CENPP: variants seen among roughly 807,000 people sequenced by gnomAD.
CENPP encodes centromere protein P.
CENPP carries 24 observed loss-of-function variants against 35.6 expected under a neutral mutation model. That is an observed-to-expected ratio of 0.67 (90% CI 0.49 to 0.95). The LOEUF (loss-of-function observed/expected upper bound fraction) is 0.95, where lower values mean the gene tolerates loss of function less well. Ranked by LOEUF, CENPP falls within the 40% of genes least tolerant of loss-of-function variation. CENPP has a pLI of 0.00. For synonymous variants in CENPP, 120 were observed against 125.5 expected, an observed-to-expected ratio of 0.96 and a Z score of 0.29; for missense variants, 332 against 345.3, an observed-to-expected ratio of 0.96 and a Z score of 0.31.
chr9:92,531,221 C>A (rs1351402021), intron 5 of CENPP, among the ~76,000 whole-genome samples: 1 of 151,874 alleles, frequency 6.6e-6, no homozygotes, highest in Admixed American at 6.6e-5. Context: ...TTCTTTTTAA[C>A]TTGTTGCTTG....
In CENPP at chr9:92,551,962, ATGTG is replaced by A. The variant is rs377567724; in HGVS notation, c.565-59349_565-59346del. Among the ~76,000 whole-genome samples the A allele has an allele frequency of 8.3e-3, 940 of 112,852 alleles. 67 individuals are homozygous for A. The highest frequency in any genetic ancestry group is 0.041 in the African/African-American group (842 of 20,418). 74.0% of individuals were successfully genotyped at this position (112,852 alleles called of 152,430 possible). The stretch of plus-strand genomic sequence containing the variant: ...ATATATATATATATATGATATATAT[ATGTG>A]TGATATATATGTGTGTGTATATATG... On this transcript the variant is annotated intron_variant, in intron 5 of 7. Coordinates refer to ENST00000375587, the MANE Select transcript of CENPP (RefSeq NM_001012267.3).
intron 4 of CENPP, among the ~76,000 whole-genome samples, chr9:92,361,380 A>G (rs1330870944): frequency 6.6e-6 from 1 of 151,642 alleles, no homozygotes; most frequent in African/African-American, 2.4e-5. Context: ...ACCTCAAGTG[A>G]TCCATGCACC....
intron 5 of CENPP, among the ~76,000 whole-genome samples, chr9:92,415,735 AT>A (rs1196656077): frequency 1.3e-5 from 2 of 149,306 alleles, no homozygotes; most frequent in South Asian, 4.2e-4. Flanking sequence ...TCAAAAAAAA[AT>A]TATCTACAAT....
chr9:92,353,838 A>G (rs1384587491), intron 4 of CENPP, among the ~76,000 whole-genome samples: 1 of 152,186 alleles, frequency 6.6e-6, no homozygotes, highest in Non-Finnish European at 1.5e-5. Context: ...TCCTGGACCC[A>G]TGAATCTTGG....
At chr9:92,367,035 C>T (rs1207675136) in intron 4 of CENPP, among the ~76,000 whole-genome samples, 2 of 152,204 alleles carry the variant, frequency 1.3e-5, no homozygotes, top group East Asian at 3.8e-4. Context: ...CTCCCTTCAG[C>T]TGCGGTAGCA....
chr9:92,339,084 A>G (rs1406728456), intron 3 of CENPP, among the ~76,000 whole-genome samples: 1 of 152,208 alleles, frequency 6.6e-6, no homozygotes, highest in Non-Finnish European at 1.5e-5. Flanking sequence ...TTGGGCCAAC[A>G]GGGAATGTGT....
At chr9:92,588,705 C>T (rs1169169943) in intron 5 of CENPP, among the ~76,000 whole-genome samples, 5 of 152,150 alleles carry the variant, frequency 3.3e-5, no homozygotes, top group African/African-American at 1.2e-4. Context: ...AAGAGAATCA[C>T]TTCACACCCA....
At chr9:92,502,287 TTAC>T (rs1846726515) in intron 5 of CENPP, among the ~76,000 whole-genome samples, 3 of 152,134 alleles carry the variant, frequency 2.0e-5, no homozygotes, top group Admixed American at 6.5e-5. Flanking sequence ...ACAACAGTAG[TTAC>T]TGCAATAATC....
At chr9:92,571,611 C>G (rs748103395) in intron 5 of CENPP, among the ~76,000 whole-genome samples, 8 of 152,142 alleles carry the variant, frequency 5.3e-5, no homozygotes, top group Non-Finnish European at 1.2e-4. Flanking sequence ...TGGTGCAGAG[C>G]TCAGTTCAAT....
intron 5 of CENPP, among the ~76,000 whole-genome samples, chr9:92,459,447 C>T (rs191444932): frequency 1.2e-4 from 19 of 152,362 alleles, no homozygotes; most frequent in African/African-American, 4.1e-4. Flanking sequence ...TTTCTTGTGA[C>T]GTCGATGTAG....
At chr9:92,584,681 G>A (rs1189751919) in intron 5 of CENPP, among the ~76,000 whole-genome samples, 1 of 152,164 alleles carries the variant, frequency 6.6e-6, no homozygotes, top group Non-Finnish European at 1.5e-5. Flanking sequence ...TTATGTGTGA[G>A]GAACTGCAGT....
intron 5 of CENPP, among the ~76,000 whole-genome samples, chr9:92,555,593 C>G (rs889527584): frequency 6.6e-6 from 1 of 152,048 alleles, no homozygotes; most frequent in African/African-American, 2.4e-5. Context: ...TTATCTAATT[C>G]TTCCTGATTT....
chr9:92,474,565 CT>C, intron 5 of CENPP: 1 of 1,543,156 alleles, frequency 6.5e-7, no homozygotes. Flanking sequence ...TTTTTCCATC[CT>C]TTAAATTGTC....
chr9:92,613,062 C>T lies in CENPP; in HGVS notation c.780C>T (p.Leu260=), dbSNP rs778634002. ...ACAGAGCCATAGAAACTGCTCCTCTCAGCTTCCGAACCCTGGTAGGACTGC... is the reference window on the plus strand; with the variant it reads ...ACAGAGCCATAGAAACTGCTCCTCTTAGCTTCCGAACCCTGGTAGGACTGC... The part of the protein sequence containing the change: ...DKNRAIETAP[L]SFRTLVGLLG... Residue 260 remains leucine, a synonymous_variant, in exon 8 of 8, where the codon CTC becomes CTT. Coordinates refer to ENST00000375587, the MANE Select transcript of CENPP (RefSeq NM_001012267.3). 9.9e-6 allele frequency: 16 copies of T among 1,614,092 alleles called. No homozygotes were observed. Among genetic ancestry groups the T allele is most frequent in the Admixed American group, 3.3e-5 (2 of 60,010 alleles).
chr9:92,359,475 G>A (rs1017723502), intron 4 of CENPP, among the ~76,000 whole-genome samples: 1 of 152,088 alleles, frequency 6.6e-6, no homozygotes, highest in African/African-American at 2.4e-5. Flanking sequence ...GGTCTTCTCA[G>A]TTTGTTTCTG....
chr9:92,532,015 G>GTTT (rs71362397), intron 5 of CENPP, among the ~76,000 whole-genome samples: 4,612 of 95,148 alleles, frequency 0.048, 1,164 homozygotes, highest in African/African-American at 0.15. Context: ...TTTATTTAAT[G>GTTT]TTTTTTTTTT....
At chr9:92,434,791 C>T (rs1221339060) in intron 5 of CENPP, among the ~76,000 whole-genome samples, 1 of 152,060 alleles carries the variant, frequency 6.6e-6, no homozygotes, top group African/African-American at 2.4e-5. Flanking sequence ...ACCTGTAATC[C>T]CAGCACTTTG....
intron 5 of CENPP, among the ~76,000 whole-genome samples, chr9:92,594,569 G>A (rs17462411): frequency 0.037 from 5,635 of 151,994 alleles, 141 homozygotes; most frequent in Middle Eastern, 0.075. Context: ...ACTTTTCATC[G>A]CCCCTCAAGT....
intron 5 of CENPP, among the ~76,000 whole-genome samples, chr9:92,455,718 G>A (rs1286356629): frequency 3.3e-5 from 5 of 152,108 alleles, no homozygotes; most frequent in African/African-American, 1.2e-4. Context: ...TCATAGCATA[G>A]GAATTACATG....
Sources: allele counts gnomAD v4.1 joint callset (sites outside exome capture counted in the v4.1 genomes callset), GRCh38; gene constraint gnomAD v4.1.1; transcripts MANE v1.5; gene names NCBI Gene and HGNC (gene_info 2026-07-23, HGNC 2026-07-21).